Variants in SV2C observed in about 807,000 individuals in gnomAD.
SV2C encodes solute carrier family 22 member B3.
In SV2C, 49 loss-of-function variants were observed where a neutral mutation model predicts 79.7. That is an observed-to-expected ratio of 0.61 (90% CI 0.49 to 0.78). SV2C has a LOEUF of 0.78. SV2C is among the 30% of genes least tolerant of loss of function. The pLI, the probability that SV2C is intolerant of heterozygous loss-of-function variation, is 0.00. For missense variants in SV2C, 833 were observed against 912.9 expected, an observed-to-expected ratio of 0.91 and a Z score of 1.13; for synonymous variants, 334 against 333.2, an observed-to-expected ratio of 1.00 and a Z score of -0.03.
upstream of SV2C, chr5:76,078,997 C>T (rs1037101717): frequency 1.5e-5 from 7 of 452,864 alleles, no homozygotes; most frequent in African/African-American, 4.1e-5. Context: ...GCTGGTGAAG[C>T]GATTACCACC....
chr5:76,285,967 C>T lies in SV2C; in HGVS notation c.1137+97C>T, dbSNP rs1004394469. ...AATATTTTAGACTTTGCAAGTCATA[C>T]GGTCTTTGACACAGCTACTCAGCTC... On this transcript the variant is annotated intron_variant, in intron 6 of 12. Transcript: ENST00000502798. 43 of 1,061,608 alleles carry T rather than the reference C, an allele frequency of 4.1e-5. 1 individual carries two copies. Among genetic ancestry groups the T allele is most frequent in the Middle Eastern group, 2.1e-4 (1 of 4,840 alleles). 65.8% of individuals were successfully genotyped at this position (1,061,608 alleles called of 1,614,324 possible). A position where few individuals can be genotyped will look rare whatever the true frequency, so the allele number is the denominator to read the frequency against.
the SV2C span, among the ~76,000 whole-genome samples, chr5:76,030,289 T>TTATTTA: frequency 5.1e-5 from 6 of 117,910 alleles, no homozygotes; most frequent in African/African-American, 2.3e-4. Flanking sequence ...TTTTTTTTTT[T>TTATTTA]TTTATTTATT....
At chr5:76,352,390 G>A (rs1174182892) in intron 12 of SV2C, among the ~76,000 whole-genome samples, 1 of 152,206 alleles carries the variant, frequency 6.6e-6, no homozygotes, top group Non-Finnish European at 1.5e-5. Flanking sequence ...CTGTTGAGAG[G>A]TGGGACCTTT....
intron 10 of SV2C, among the ~76,000 whole-genome samples, chr5:76,299,810 G>C (rs1055916881): frequency 6.6e-6 from 1 of 152,180 alleles, no homozygotes; most frequent in African/African-American, 2.4e-5. Flanking sequence ...GTCAGATCTT[G>C]ATCAGCAAGG....
chr5:76,035,415 T>C, the SV2C span, among the ~76,000 whole-genome samples: 6 of 152,188 alleles, frequency 3.9e-5, no homozygotes, highest in African/African-American at 7.2e-5. Flanking sequence ...CTACACACTG[T>C]TTTGAATGTG....
the SV2C span, among the ~76,000 whole-genome samples, chr5:76,060,390 A>G: frequency 6.6e-6 from 1 of 152,096 alleles, no homozygotes; most frequent in East Asian, 1.9e-4. Context: ...TCTTAGCTAG[A>G]TCTTCTGGAT....
intron 2 of SV2C, among the ~76,000 whole-genome samples, chr5:76,160,620 G>A (rs1742870098): frequency 6.6e-6 from 1 of 152,136 alleles, no homozygotes; most frequent in African/African-American, 2.4e-5. Flanking sequence ...CACAGAATGG[G>A]AGAAAATATT....
At chr5:76,260,936 G>C (rs1302052050) in intron 4 of SV2C, among the ~76,000 whole-genome samples, 2 of 143,672 alleles carry the variant, frequency 1.4e-5, no homozygotes, top group Admixed American at 1.4e-4. Flanking sequence ...GCTCTTTTTG[G>C]TTCCATATGA....
chr5:75,879,220 C>T, the SV2C span, among the ~76,000 whole-genome samples: 1 of 152,140 alleles, frequency 6.6e-6, no homozygotes, highest in African/African-American at 2.4e-5. Flanking sequence ...GCCCCAGGCC[C>T]ACCCCAAAAT....
chr5:75,961,394 A>T, the SV2C span, among the ~76,000 whole-genome samples: 5 of 151,996 alleles, frequency 3.3e-5, no homozygotes, highest in Admixed American at 6.6e-5. Context: ...AATATTTTTA[A>T]GTAATTTGTA....
At chr5:76,344,880 T>C (rs187410249) in intron 12 of SV2C, among the ~76,000 whole-genome samples, 64 of 152,320 alleles carry the variant, frequency 4.2e-4, no homozygotes, top group Admixed American at 8.5e-4. Context: ...CCTCATTGCA[T>C]AGATGAGGAA....
At chr5:76,307,983 A>G (rs914924564) in intron 12 of SV2C, among the ~76,000 whole-genome samples, 1 of 152,224 alleles carries the variant, frequency 6.6e-6, no homozygotes, top group African/African-American at 2.4e-5. Flanking sequence ...GCTTTAAAAT[A>G]TTCATCAGAT....
chr5:76,336,255 G>C (rs1749323054), downstream of SV2C, among the ~76,000 whole-genome samples: 2 of 151,616 alleles, frequency 1.3e-5, no homozygotes. Context: ...TCTCATATGG[G>C]GCGGCTGCCA....
the SV2C span, among the ~76,000 whole-genome samples, chr5:75,890,319 AT>A: frequency 6.6e-6 from 1 of 152,082 alleles, no homozygotes; most frequent in African/African-American, 2.4e-5. Context: ...GTAAATCTTT[AT>A]TATACATAGA....
At chr5:76,269,267 G>C (rs1320534689) in intron 4 of SV2C, among the ~76,000 whole-genome samples, 2 of 152,148 alleles carry the variant, frequency 1.3e-5, no homozygotes, top group African/African-American at 4.8e-5. Context: ...ATGTCTCCTG[G>C]GGTATAGTTC....
chr5:75,991,590 C>CATATAT, the SV2C span, among the ~76,000 whole-genome samples: 1 of 144,322 alleles, frequency 6.9e-6, no homozygotes, highest in African/African-American at 2.6e-5. Flanking sequence ...TATATACACA[C>CATATAT]ATATATATAT....
At chr5:76,154,845 T>C (rs1742671020) in intron 2 of SV2C, among the ~76,000 whole-genome samples, 1 of 152,156 alleles carries the variant, frequency 6.6e-6, no homozygotes, top group Non-Finnish European at 1.5e-5. Context: ...AGGAACAATC[T>C]GTGATACATG....
intron 1 of SV2C, among the ~76,000 whole-genome samples, chr5:76,106,272 A>C (rs958712641): frequency 7.3e-5 from 11 of 151,452 alleles, no homozygotes; most frequent in African/African-American, 2.7e-4. Flanking sequence ...ACTTCTTGCC[A>C]CTCCCACTGC....
intron 2 of SV2C, among the ~76,000 whole-genome samples, chr5:76,140,466 G>A (rs7718358): frequency 0.41 from 62,059 of 151,962 alleles, 14,747 homozygotes; most frequent in Non-Finnish European, 0.54. Flanking sequence ...CTGCTTTATT[G>A]AGAGATAGCT....
Sources: allele counts gnomAD v4.1 joint callset (sites outside exome capture counted in the v4.1 genomes callset), GRCh38; gene constraint gnomAD v4.1.1; transcripts MANE v1.5; gene names NCBI Gene and HGNC (gene_info 2026-07-23, HGNC 2026-07-21).